Variants in TMEM145 observed in about 807,000 individuals in gnomAD.
The protein encoded by TMEM145 is transmembrane protein 145.
Under a neutral mutation model 68.5 loss-of-function variants are expected in TMEM145, and 46 were observed. The observed-to-expected ratio is 0.67, with a 90% confidence interval of 0.53 to 0.86. The LOEUF is 0.86. Among genes scored for constraint, TMEM145 ranks in the 40% least tolerant of loss-of-function variants. The probability of loss-of-function intolerance (pLI) is 0.00; values close to 1 mark genes in which losing one functional copy is unlikely to be tolerated. For missense variants in TMEM145, 570 were observed against 645.8 expected (o/e 0.88, Z 1.27); for synonymous variants, 255 against 280.2 (o/e 0.91, Z 0.90).
chr19:42,324,131 G>A, intron 14 of TMEM145: 1 of 555,126 alleles, frequency 1.8e-6, no homozygotes, highest in Non-Finnish European at 2.3e-6. Flanking sequence ...CGCTGCCCAG[G>A]CGCCCCGCCA....
chr19:42,317,507 G>A (rs890570752), intron 11 of TMEM145, among the ~76,000 whole-genome samples: 6 of 152,166 alleles, frequency 3.9e-5, no homozygotes, highest in South Asian at 2.1e-4. Context: ...CCTGTGTTGA[G>A]CAAACAGTAA....
At chr19:42,318,412 G>A (rs1027405988) in intron 12 of TMEM145, among the ~76,000 whole-genome samples, 9 of 150,594 alleles carry the variant, frequency 6.0e-5, no homozygotes, top group Non-Finnish European at 1.0e-4. Context: ...CAGGCCGGGC[G>A]TGGTGGCTCA....
chr19:42,318,755 C>T (rs576637484), intron 12 of TMEM145, among the ~76,000 whole-genome samples: 3 of 151,510 alleles, frequency 2.0e-5, no homozygotes, highest in South Asian at 2.1e-4. Context: ...TATATGAGGG[C>T]CGAGTGTCTG....
At chr19:42,320,460 G>C (rs912192539) in intron 13 of TMEM145, 23 bp downstream of exon 13, 3 of 1,613,388 alleles carry the variant, frequency 1.9e-6, no homozygotes, top group Non-Finnish European at 1.7e-6. Context: ...ATCTGTGGGG[G>C]GTGGAGGGGA....
Position 42,313,475 on chromosome 19 carries a change from G to C in TMEM145, c.99G>C (p.Arg33=). 7.5e-7 allele frequency: 1 copy of C among 1,341,506 alleles called. No individual in the cohort carries two copies. The highest frequency in any genetic ancestry group is 9.6e-7 in the Non-Finnish European group (1 of 1,043,290). The allele number at this position is 1,341,506 out of a possible 1,614,324, so 83.1% of individuals were successfully genotyped here. ...CCCGCGCCCGGGCCAAGTACGTGCG[G>C]GGCAACCTCAGTTCCAAGGAGGTGA... ...LPPRARAKYV[R]GNLSSKEDWV... The change falls in exon 1 of 15, where the codon CGG becomes CGC. Residue 33 remains arginine (R), a synonymous_variant. Coordinates refer to ENST00000301204, the MANE Select transcript of TMEM145 (RefSeq NM_173633.3). This position sits in a 1 kb window ranked among gnomAD's most constrained non-coding sequence, Gnocchi z 5.1.
intron 8 of TMEM145, 79 bp downstream of exon 8, chr19:42,315,519 C>A: frequency 1.4e-6 from 2 of 1,442,054 alleles, no homozygotes; most frequent in Non-Finnish European, 9.6e-7. Flanking sequence ...AGAGGAATGC[C>A]TGGGGGCCTG....
chr19:42,313,451 CCG>C lies in TMEM145; in HGVS notation c.79_80del (p.Ala27ProfsTer38). 1.5e-6 allele frequency: 2 copies of C among 1,372,630 alleles called. No homozygotes were observed. Among genetic ancestry groups the C allele is most frequent in the Non-Finnish European group, 1.9e-6 (2 of 1,059,314 alleles). The allele number at this position is 1,372,630 out of a possible 1,614,324, so 85.0% of individuals were successfully genotyped here. On this transcript the variant is annotated frameshift_variant, in exon 1 of 15. Transcript: ENST00000301204. LOFTEE classifies it high-confidence loss of function. The surrounding 1 kb of genome is among the most constrained non-coding windows in gnomAD (Gnocchi z 5.1). ...TGCTCCTGCTGCTGTCACTGCCCCC[CCG>C]CGCCCGGGCCAAGTACGTGCGGGGC... ...LLLLLLSLPP[R>X]ARAKYVRGNL...
intron 12 of TMEM145, 68 bp from the exon 13 acceptor site, chr19:42,320,249 A>G: frequency 6.3e-7 from 1 of 1,598,850 alleles, no homozygotes; most frequent in South Asian, 1.1e-5. Context: ...ATGGCAGGCG[A>G]GGTGGGGCTA....
chr19:42,314,619 C>G lies in TMEM145; in HGVS notation c.280C>G (p.Leu94Val). The change falls in exon 4 of 15, where the codon CTG (leucine) becomes GTG (valine). Residue 94 changes from leucine to valine, a missense_variant. Coordinates refer to ENST00000301204, the MANE Select transcript of TMEM145 (RefSeq NM_173633.3). Reference protein sequence around the residue: ...AVYKAGDKDCLAKESVIRPEN... With the variant: ...AVYKAGDKDCVAKESVIRPEN... Reference sequence around the variant, plus strand: ...CTGTCCCTGCCTTCCCCAGGACTGCCTGGCCAAGGAGTCAGTGATCCGGCC... The same window carrying G: ...CTGTCCCTGCCTTCCCCAGGACTGCGTGGCCAAGGAGTCAGTGATCCGGCC... 1.9e-6 allele frequency: 3 copies of G among 1,614,182 alleles called. No individual in the cohort carries two copies. Among genetic ancestry groups the G allele is most frequent in the Non-Finnish European group, 2.5e-6 (3 of 1,180,016 alleles).
chr19:42,324,768 T>A lies in TMEM145; in HGVS notation c.1433T>A (p.Leu478His). The A allele has an allele frequency of 6.4e-7, 1 of 1,558,410 alleles. No individual in the cohort carries two copies. Residue 478 changes from leucine (L) to histidine (H), a missense_variant, in exon 15 of 15, where the codon CTC becomes CAC. Physicochemically the swap from Leu to His is moderately conservative, Grantham distance 99 (BLOSUM62 -3). Coordinates refer to ENST00000301204, the MANE Select transcript of TMEM145 (RefSeq NM_173633.3). ...CCCCGAGCGGCGCCGGATTCTGGGC[T>A]CCCGCTGTTCCGTGACCTCCGGCCC... ...PLPRAAPDSGLPLFRDLRPPG... is the reference protein window; with the variant it reads ...PLPRAAPDSGHPLFRDLRPPG...
rs752830863 is a variant in TMEM145 at position 42,323,619 on chromosome 19, C to G, written c.1231C>G (p.Pro411Ala). The change falls in exon 14 of 15, where the codon CCG becomes GCG. Residue 411 changes from proline (P) to alanine (A), a missense_variant. Physicochemically the swap from Pro to Ala is conservative, Grantham distance 27. Coordinates refer to ENST00000301204, the MANE Select transcript of TMEM145 (RefSeq NM_173633.3). ...CCCATCAGCGGCCAACAAGAACTTC[C>G]CGTACCACGTGCGCACGTCGCAGAT... ...TRPSAANKNF[P>A]YHVRTSQIAS... The G allele has an allele frequency of 1.2e-6, 2 of 1,614,182 alleles. No homozygotes were observed. The highest frequency in any genetic ancestry group is 2.2e-5 in the South Asian group (2 of 91,084).
rs894395218 is a variant in TMEM145 at position 42,313,961 on chromosome 19, G to A, written c.121-311G>A. Among the ~76,000 whole-genome samples, 8 of 151,996 alleles carry A rather than the reference G, an allele frequency of 5.3e-5. No individual in the cohort carries two copies. The highest frequency in any genetic ancestry group is 7.4e-5 in the Non-Finnish European group (5 of 68,000). On this transcript the variant is annotated intron_variant, in intron 1 of 14. Transcript: ENST00000301204. This position sits in a 1 kb window ranked among gnomAD's most constrained non-coding sequence, Gnocchi z 5.1. ...GGGGAACGGGGTTAGATATTGGCCAGGACATGAGGTGGCCAGGATGAGCAT... is the reference window on the plus strand; with the variant it reads ...GGGGAACGGGGTTAGATATTGGCCAAGACATGAGGTGGCCAGGATGAGCAT...
intron 12 of TMEM145, among the ~76,000 whole-genome samples, chr19:42,319,434 A>T (rs2038890488): frequency 6.6e-6 from 1 of 151,138 alleles, no homozygotes; most frequent in Non-Finnish European, 1.5e-5. Flanking sequence ...TCAAATATCT[A>T]TTTTTTTTTG....
chr19:42,314,749 C>T lies in TMEM145; in HGVS notation c.361-43C>T, dbSNP rs76161586. ...GGCAGGTGCTGAAGGATGAAGCCTT[C>T]GGGGCATCAAGGACAGGCTTCAGCC... On this transcript the variant is annotated intron_variant, in intron 4 of 14. Coordinates refer to ENST00000301204, the MANE Select transcript of TMEM145 (RefSeq NM_173633.3). 1,521 of 1,613,918 alleles carry T rather than the reference C, an allele frequency of 9.4e-4. 27 individuals are homozygous for T. The East Asian group carries it at 0.026, about 28-fold the overall frequency.
rs1366331135 is a variant in TMEM145 at position 42,313,443 on chromosome 19, C to T, written c.67C>T (p.Leu23=). The change falls in exon 1 of 15, where the codon CTG becomes TTG. Residue 23 remains leucine (L), a synonymous_variant. Transcript: ENST00000301204. The surrounding 1 kb of genome is among the most constrained non-coding windows in gnomAD (Gnocchi z 5.1). The part of the protein sequence containing the change: ...LPPLLLLLLS[L]PPRARAKYVR... ...GCCGCTGCTGCTCCTGCTGCTGTCACTGCCCCCCCGCGCCCGGGCCAAGTA... is the reference window on the plus strand; with the variant it reads ...GCCGCTGCTGCTCCTGCTGCTGTCATTGCCCCCCCGCGCCCGGGCCAAGTA... 2.2e-6 allele frequency: 3 copies of T among 1,376,114 alleles called. No homozygotes were observed. Among genetic ancestry groups the T allele is most frequent in the South Asian group, 3.5e-5 (2 of 57,592 alleles). The allele number at this position is 1,376,114 out of a possible 1,614,324, so 85.2% of individuals were successfully genotyped here.
rs1341141055 is a variant in TMEM145, at chr19:42,315,145, A to C, written c.506-43A>C. ...CCAGAGCTGGGTGCCCACTGAGGGG[A>C]CATCCACCTGAATGAACCTTACTCC... On this transcript the variant is annotated intron_variant, in intron 6 of 14. Transcript: ENST00000301204. 1.9e-6 allele frequency: 3 copies of C among 1,613,996 alleles called. No individual in the cohort carries two copies. The African/African-American group carries it at 4.0e-5, about 22-fold the overall frequency.
Position 42,315,357 on chromosome 19 carries a change from T to C in TMEM145, c.578-15T>C. 6.2e-7 allele frequency: 1 copy of C among 1,614,194 alleles called. No homozygotes were observed. The highest frequency in any genetic ancestry group is 8.5e-7 in the Non-Finnish European group (1 of 1,180,022). On this transcript the variant is annotated splice_polypyrimidine_tract_variant and intron_variant, in intron 7 of 14. Coordinates refer to ENST00000301204, the MANE Select transcript of TMEM145 (RefSeq NM_173633.3). ...TTTCTGCCTGTGGACAGCCTTTCCC[T>C]ACCTTGCTTCCTAGATTTGCTGAAA... is the stretch of plus-strand genomic sequence containing the variant.
chr19:42,316,817 C>T, intron 10 of TMEM145, 53 bp from the exon 11 acceptor site: 1 of 1,609,690 alleles, frequency 6.2e-7, no homozygotes, highest in South Asian at 1.1e-5. Flanking sequence ...CTGGGTGCAT[C>T]CTCCTCCCTG....
chr19:42,316,726 A>T lies in TMEM145; in HGVS notation c.792A>T (p.Gly264=). 10 of 1,512,818 alleles carry T rather than the reference A, an allele frequency of 6.6e-6. No individual in the cohort carries two copies. Among genetic ancestry groups the T allele is most frequent in the Non-Finnish European group, 8.9e-6 (10 of 1,119,452 alleles). The allele number at this position is 1,512,818 out of a possible 1,614,324, so 93.7% of individuals were successfully genotyped here. The change falls in exon 10 of 15, where the codon GGA becomes GGT. Residue 264 remains glycine, a synonymous_variant. Coordinates refer to ENST00000301204, the MANE Select transcript of TMEM145 (RefSeq NM_173633.3). ...FLLMLILLGK[G]FTVTRGRISH... ...TGATGCTTATCCTCCTGGGGAAGGG[A>T]TTCACGGTGACACGGTGCCCGGGCA...
Sources: allele counts gnomAD v4.1 joint callset (sites outside exome capture counted in the v4.1 genomes callset), GRCh38; gene constraint gnomAD v4.1.1; non-coding constraint Gnocchi (gnomAD v3.1); transcripts MANE v1.5; gene names NCBI Gene and HGNC (gene_info 2026-07-23, HGNC 2026-07-21).